The following SIK3 variants were observed in gnomAD, a reference collection of about 807,000 sequenced individuals.
SIK3 encodes the protein SIK family kinase 3.
Under a neutral mutation model 144.2 loss-of-function variants are expected in SIK3, and 28 were observed. That is an observed-to-expected ratio of 0.19 (90% CI 0.14 to 0.27). SIK3 has a LOEUF of 0.27. Ranked by LOEUF, SIK3 falls within the 10% of genes least tolerant of loss-of-function variation. SIK3 has a pLI of 1.00. For synonymous variants in SIK3, 686 were observed against 676.3 expected, an observed-to-expected ratio of 1.01 and a Z score of -0.22; for missense variants, 1,319 against 1,776.0, an observed-to-expected ratio of 0.74 and a Z score of 4.62.
At chr11:117,025,447 T>C (rs907394806) in intron 1 of SIK3, among the ~76,000 whole-genome samples, 1 of 151,772 alleles carries the variant, frequency 6.6e-6, no homozygotes, top group African/African-American at 2.4e-5. Flanking sequence ...CTATGCCCAA[T>C]ACAATTTTTT....
At chr11:116,933,146 T>TC (rs1947712626) in intron 3 of SIK3, among the ~76,000 whole-genome samples, 1 of 151,308 alleles carries the variant, frequency 6.6e-6, no homozygotes, top group Admixed American at 6.6e-5. Context: ...CCTTTTTTTT[T>TC]TTTTTTTCTT....
chr11:117,059,933 G>C (rs1413419149), intron 1 of SIK3, among the ~76,000 whole-genome samples: 1 of 152,188 alleles, frequency 6.6e-6, no homozygotes, highest in African/African-American at 2.4e-5. Context: ...CACTTTGTAA[G>C]ACAGTTTGGC....
chr11:117,081,618 C>T (rs1311820940), intron 1 of SIK3, among the ~76,000 whole-genome samples: 2 of 151,886 alleles, frequency 1.3e-5, no homozygotes, highest in African/African-American at 2.4e-5. Context: ...AGCGAGACTC[C>T]GTCTCAAAAT....
chr11:117,059,968 C>T (rs1953719395), intron 1 of SIK3, among the ~76,000 whole-genome samples: 1 of 152,186 alleles, frequency 6.6e-6, no homozygotes, highest in Admixed American at 6.5e-5. Context: ...TAAACATTCT[C>T]TTACTATATG....
At position 116,858,282 on chromosome 11, in the gene SIK3, TTGCTGTTGC is replaced by T. The variant is rs536178660; in HGVS notation, c.3174_3182del (p.Gln1059_Gln1061del). 1,138 of 1,613,512 alleles carry T rather than the reference TTGCTGTTGC, an allele frequency of 7.1e-4. 6 individuals carry two copies. The African/African-American group carries it at 0.012, about 16-fold the overall frequency. On this transcript the variant is annotated inframe_deletion, in exon 21 of 25. Coordinates refer to ENST00000445177, the MANE Select transcript of SIK3 (RefSeq NM_001366686.3). The surrounding 1 kb of genome is among the most constrained non-coding windows in gnomAD (Gnocchi z 5.4). ...TGTGCCTGAACAGTTCCTGGTATTC[TTGCTGTTGC>T]TGCTGTTGCTGCTGCTGCTGCCGTT...
intron 1 of SIK3, among the ~76,000 whole-genome samples, chr11:116,982,321 C>T (rs1950169616): frequency 6.6e-6 from 1 of 150,772 alleles, no homozygotes; most frequent in African/African-American, 2.4e-5. Flanking sequence ...CGGAGTCTCA[C>T]TCTGTCACCC....
intron 6 of SIK3, among the ~76,000 whole-genome samples, chr11:116,886,139 G>A (rs1363404110): frequency 6.6e-6 from 1 of 152,198 alleles, no homozygotes; most frequent in East Asian, 1.9e-4. Context: ...GTTATGTTAG[G>A]TCATGGGAAT....
At chr11:116,988,752 C>T (rs970665725) in intron 1 of SIK3, among the ~76,000 whole-genome samples, 1 of 151,730 alleles carries the variant, frequency 6.6e-6, no homozygotes, top group Non-Finnish European at 1.5e-5. Flanking sequence ...CATGATCATG[C>T]CACTGCACTC....
chr11:117,018,114 A>G (rs1189148685), intron 1 of SIK3, among the ~76,000 whole-genome samples: 1 of 152,104 alleles, frequency 6.6e-6, no homozygotes, highest in African/African-American at 2.4e-5. Flanking sequence ...GCTTGGGGGG[A>G]AACCCGCAGC....
chr11:117,047,540 A>T (rs1214942946), intron 1 of SIK3, among the ~76,000 whole-genome samples: 1 of 152,252 alleles, frequency 6.6e-6, no homozygotes, highest in African/African-American at 2.4e-5. Flanking sequence ...TTATTCTCTT[A>T]AAACAGTCCA....
At chr11:116,956,138 G>C (rs949827177) in intron 2 of SIK3, among the ~76,000 whole-genome samples, 1 of 152,032 alleles carries the variant, frequency 6.6e-6, no homozygotes, top group African/African-American at 2.4e-5. Context: ...CAAAGTTCTC[G>C]GCTGCCAACA....
chr11:116,982,030 G>C (rs1950156202), intron 1 of SIK3, among the ~76,000 whole-genome samples: 1 of 152,236 alleles, frequency 6.6e-6, no homozygotes, highest in African/African-American at 2.4e-5. Context: ...CACATGGGAG[G>C]CTTCTTTCCC....
At chr11:117,013,899 A>AGGGGGGGGGG (rs71037440) in intron 1 of SIK3, among the ~76,000 whole-genome samples, 1 of 26,608 alleles carries the variant, frequency 3.8e-5, no homozygotes, top group Non-Finnish European at 1.1e-4. Context: ...CCAGATTCTG[A>AGGGGGGGGGG]GGGGGGGGGG....
intron 4 of SIK3, among the ~76,000 whole-genome samples, chr11:116,911,469 T>C (rs1396707369): frequency 5.3e-5 from 8 of 151,526 alleles, no homozygotes; most frequent in Non-Finnish European, 1.2e-4. Context: ...ATGGTGGCAC[T>C]GAACTCCAGC....
chr11:116,903,664 C>T (rs1945858037), intron 4 of SIK3, among the ~76,000 whole-genome samples: 1 of 152,204 alleles, frequency 6.6e-6, no homozygotes, highest in South Asian at 2.1e-4. Context: ...TCACTGAAGC[C>T]TTTACCTCCT....
rs1565368790 is a variant in SIK3 at position 116,858,303 on chromosome 11, C to CTGT, written c.3161_3162insACA (p.Gln1061dup). The CTGT allele has an allele frequency of 6.2e-7, 1 of 1,612,912 alleles. No homozygotes were observed. Among genetic ancestry groups the CTGT allele is most frequent in the South Asian group, 1.1e-5 (1 of 90,994 alleles). ...ATTCTTGCTGTTGCTGCTGTTGCTG[C>CTGT]TGCTGCTGCCGTTGTTGCTGCTGCC... On this transcript the variant is annotated inframe_insertion, in exon 21 of 25. Coordinates refer to ENST00000445177, the MANE Select transcript of SIK3 (RefSeq NM_001366686.3). This position sits in a 1 kb window ranked among gnomAD's most constrained non-coding sequence, Gnocchi z 5.4.
intron 3 of SIK3, among the ~76,000 whole-genome samples, chr11:116,948,552 T>C (rs893253552): frequency 1.6e-4 from 25 of 152,152 alleles, no homozygotes; most frequent in African/African-American, 5.8e-4. Context: ...GCTGGGATTA[T>C]AGGCGTGAGT....
intron 1 of SIK3, among the ~76,000 whole-genome samples, chr11:117,037,793 AAC>A (rs10604254): frequency 0.32 from 47,915 of 151,828 alleles, 8,611 homozygotes; most frequent in African/African-American, 0.5. Context: ...GAAGAAGAAA[AAC>A]ACACACACAA....
intron 1 of SIK3, among the ~76,000 whole-genome samples, chr11:117,009,997 A>G (rs1472835926): frequency 6.6e-6 from 1 of 152,148 alleles, no homozygotes; most frequent in Non-Finnish European, 1.5e-5. Flanking sequence ...AAATAACACT[A>G]ACGACAACAT....
Sources: allele counts gnomAD v4.1 joint callset (sites outside exome capture counted in the v4.1 genomes callset), GRCh38; gene constraint gnomAD v4.1.1; non-coding constraint Gnocchi (gnomAD v3.1); transcripts MANE v1.5; gene names NCBI Gene and HGNC (gene_info 2026-07-23, HGNC 2026-07-21).